Variants in DNAH7 observed in about 807,000 individuals in gnomAD.
DNAH7 encodes the protein axonemal beta dynein heavy chain 7.
DNAH7 carries 397 observed loss-of-function variants against 444.6 expected under a neutral mutation model. That is an observed-to-expected ratio of 0.89 (90% CI 0.82 to 0.97). The LOEUF is 0.97. DNAH7 is among the 50% of genes least tolerant of loss of function. The pLI, the probability that DNAH7 is intolerant of heterozygous loss-of-function variation, is 0.00. For synonymous variants in DNAH7, 1,636 were observed against 1,624.4 expected, an observed-to-expected ratio of 1.01 and a Z score of -0.17; for missense variants, 4,902 against 4,800.8, an observed-to-expected ratio of 1.02 and a Z score of -0.62.
At chr2:195,850,970 T>G (rs1403721101) in intron 46 of DNAH7, among the ~76,000 whole-genome samples, 3 of 152,158 alleles carry the variant, frequency 2.0e-5, no homozygotes, top group African/African-American at 7.2e-5. Flanking sequence ...AATTATTCAT[T>G]AAGGACTGCT....
In DNAH7 at chr2:195,981,217, G is replaced by GA. The variant is rs568655753; in HGVS notation, c.1833+3414dup. ...GCCAAAGGTGGGACAATCTGAAAAA[G>GA]AAATCAAGAAAGTAATCTCATTTAC... On this transcript the variant is annotated intron_variant, in intron 15 of 64. Coordinates refer to ENST00000312428, the MANE Select transcript of DNAH7 (RefSeq NM_018897.3). Among the ~76,000 whole-genome samples, 17 of 151,930 alleles carry GA rather than the reference G, an allele frequency of 1.1e-4. No individual in the cohort carries two copies. The South Asian group carries it at 2.1e-3, about 19-fold the overall frequency.
In DNAH7 at chr2:195,871,960, A is replaced by AC. The variant is rs1559168269; in HGVS notation, c.6633+289_6633+290insG. On this transcript the variant is annotated intron_variant, in intron 40 of 64. Coordinates refer to ENST00000312428, the MANE Select transcript of DNAH7 (RefSeq NM_018897.3). ...AAAAAAAAAAAAAAAAAAAAAAAAA[A>AC]AAAAAAAAACTACTTAAGGGAAACT... Among the ~76,000 whole-genome samples the AC allele has an allele frequency of 5.0e-5, 6 of 120,878 alleles. No homozygotes were observed. The South Asian group carries it at 1.3e-3, about 26-fold the overall frequency. 79.3% of individuals were successfully genotyped at this position (120,878 alleles called of 152,430 possible). A position where few individuals can be genotyped will look rare whatever the true frequency, so the allele number is the denominator to read the frequency against.
At chr2:195,852,891 T>TACACACACACAC (rs4014237) in intron 46 of DNAH7, among the ~76,000 whole-genome samples, 8 of 139,050 alleles carry the variant, frequency 5.8e-5, no homozygotes, top group African/African-American at 1.7e-4. Context: ...GCTGATGAAG[T>TACACACACACAC]ACACACACAC....
At chr2:195,951,214 G>A (rs565575596) in intron 19 of DNAH7, among the ~76,000 whole-genome samples, 187 of 152,244 alleles carry the variant, frequency 1.2e-3, no homozygotes, top group Non-Finnish European at 2.1e-3. Context: ...AGTCATTCAG[G>A]AGCAGGTTGT....
chr2:195,804,765 C>A (rs1696628754), intron 54 of DNAH7, among the ~76,000 whole-genome samples: 1 of 152,160 alleles, frequency 6.6e-6, no homozygotes, highest in African/African-American at 2.4e-5. Context: ...GATGTATGGA[C>A]ACAATCCTCC....
intron 63 of DNAH7, among the ~76,000 whole-genome samples, chr2:195,751,615 G>A (rs1693803710): frequency 6.6e-6 from 1 of 152,170 alleles, no homozygotes; most frequent in Non-Finnish European, 1.5e-5. Context: ...AAGGTGAAAT[G>A]GGCGGCTCCA....
Position 196,001,816 on chromosome 2 carries a change from T to C in DNAH7, c.1032A>G (p.Lys344=). The stretch of plus-strand genomic sequence containing the variant: ...TGTCACCAGTTGGCAATTGCTTTTT[T>C]TTATTACCTTGGTAATAAATATTCT... ...EVQNIYYQGN[K]KKQLPTGDSS... is the part of the protein sequence containing the mutation. The change falls in exon 11 of 65, where the codon AAA becomes AAG. Residue 344 remains lysine (K), a synonymous_variant. Transcript: ENST00000312428. The C allele has an allele frequency of 6.2e-7, 1 of 1,612,482 alleles. No homozygotes were observed. Among genetic ancestry groups the C allele is most frequent in the South Asian group, 1.1e-5 (1 of 90,582 alleles).
chr2:195,743,676 C>T (rs1295904424), intron 63 of DNAH7, among the ~76,000 whole-genome samples: 2 of 152,098 alleles, frequency 1.3e-5, no homozygotes, highest in Non-Finnish European at 2.9e-5. Context: ...GGGGAAAAAC[C>T]CATTTATCTA....
chr2:196,051,240 C>A lies in DNAH7; in HGVS notation c.88G>T (p.Ala30Ser). ...FLPQLSMEKL[A>S]SKEKFKAPAR... ...GGTGCCTTGAACTTTTCTTTGCTGG[C>A]TAATTTCTCCTGTGTGAAAAATATG... The change falls in exon 3 of 65, where the codon GCC becomes TCC. Residue 30 changes from alanine to serine, a missense_variant. Coordinates refer to ENST00000312428, the MANE Select transcript of DNAH7 (RefSeq NM_018897.3). 1 of 1,613,680 alleles carries A rather than the reference C, an allele frequency of 6.2e-7. No individual in the cohort carries two copies. The highest frequency in any genetic ancestry group is 8.5e-7 in the Non-Finnish European group (1 of 1,179,754).
intron 12 of DNAH7, among the ~76,000 whole-genome samples, chr2:195,997,954 C>T (rs927398845): frequency 2.0e-5 from 3 of 152,066 alleles, no homozygotes; most frequent in African/African-American, 4.8e-5. Context: ...TTGGATCGTT[C>T]GTATACCAAA....
intron 15 of DNAH7, among the ~76,000 whole-genome samples, chr2:195,973,613 G>A (rs1166158318): frequency 6.6e-6 from 1 of 151,912 alleles, no homozygotes. Flanking sequence ...CTGGGATTCA[G>A]GCATGTGCTA....
At chr2:195,749,436 G>T (rs1017525337) in intron 63 of DNAH7, among the ~76,000 whole-genome samples, 5 of 152,112 alleles carry the variant, frequency 3.3e-5, no homozygotes, top group African/African-American at 4.8e-5. Flanking sequence ...ATTCCTCAGG[G>T]TTCTAGAACT....
At chr2:195,963,848 C>A (rs1691280567) in intron 17 of DNAH7, among the ~76,000 whole-genome samples, 1 of 152,134 alleles carries the variant, frequency 6.6e-6, no homozygotes, top group South Asian at 2.1e-4. Flanking sequence ...TTTCCCAGTA[C>A]TATTTGTTGA....
intron 21 of DNAH7, among the ~76,000 whole-genome samples, chr2:195,931,060 G>C (rs1203960425): frequency 6.6e-6 from 1 of 152,058 alleles, no homozygotes; most frequent in Non-Finnish European, 1.5e-5. Flanking sequence ...GGTCAAGGTT[G>C]ATATACTAAC....
At chr2:195,773,426 A>C (rs1005180864) in intron 60 of DNAH7, among the ~76,000 whole-genome samples, 1 of 151,832 alleles carries the variant, frequency 6.6e-6, no homozygotes, top group African/African-American at 2.4e-5. Context: ...TCTGCAAAAA[A>C]AAAAAACAAA....
At chr2:195,854,015 T>C (rs528511891) in intron 45 of DNAH7, among the ~76,000 whole-genome samples, 1 of 152,316 alleles carries the variant, frequency 6.6e-6, no homozygotes, top group Non-Finnish European at 1.5e-5. Context: ...GTCAAACTAC[T>C]CAGGCACTTG....
At chr2:195,775,144 T>C (rs987822907) in intron 60 of DNAH7, among the ~76,000 whole-genome samples, 1 of 152,210 alleles carries the variant, frequency 6.6e-6, no homozygotes. Flanking sequence ...TATCTCTTAA[T>C]AGACAAGCAA....
intron 42 of DNAH7, among the ~76,000 whole-genome samples, chr2:195,860,187 T>C (rs942965572): frequency 1.3e-5 from 2 of 152,190 alleles, no homozygotes; most frequent in Non-Finnish European, 2.9e-5. Flanking sequence ...TTAAAACTTA[T>C]AACCAATAAG....
At chr2:195,979,110 A>G (rs978949425) in intron 15 of DNAH7, among the ~76,000 whole-genome samples, 2 of 152,188 alleles carry the variant, frequency 1.3e-5, no homozygotes, top group Non-Finnish European at 2.9e-5. Flanking sequence ...AATCTGCACT[A>G]TAGACCAAAT....
Sources: allele counts gnomAD v4.1 joint callset (sites outside exome capture counted in the v4.1 genomes callset), GRCh38; gene constraint gnomAD v4.1.1; transcripts MANE v1.5; gene names NCBI Gene and HGNC (gene_info 2026-07-23, HGNC 2026-07-21).